PPP4R3B: variants seen among roughly 807,000 people sequenced by gnomAD.
The protein encoded by PPP4R3B is protein phosphatase 4 regulatory subunit 3B.
In PPP4R3B, 52 loss-of-function variants were observed where a neutral mutation model predicts 95.4. The observed-to-expected ratio is 0.54, with a 90% confidence interval of 0.44 to 0.69. The LOEUF (loss-of-function observed/expected upper bound fraction) is 0.69. Ranked by LOEUF, PPP4R3B falls within the 30% of genes least tolerant of loss-of-function variation. The probability of loss-of-function intolerance (pLI) is 0.00; values close to 1 mark genes in which losing one functional copy is unlikely to be tolerated. For synonymous variants in PPP4R3B, 407 were observed against 343.9 expected, an observed-to-expected ratio of 1.18 and a Z score of -2.03; for missense variants, 1,003 against 1,005.9, an observed-to-expected ratio of 1.00 and a Z score of 0.04.
At chr2:55,560,378 G>C (rs541041648) in intron 15 of PPP4R3B, among the ~76,000 whole-genome samples, 3 of 152,360 alleles carry the variant, frequency 2.0e-5, no homozygotes, top group Non-Finnish European at 2.9e-5. Context: ...CTTTAGCAAA[G>C]AGACTGGCGG....
At chr2:55,594,399 G>A (rs1052066447) in intron 4 of PPP4R3B, among the ~76,000 whole-genome samples, 1 of 151,868 alleles carries the variant, frequency 6.6e-6, no homozygotes, top group Non-Finnish European at 1.5e-5. Flanking sequence ...ACAGAATCTG[G>A]CTATTTCATG....
chr2:55,594,283 G>A (rs1691456242), intron 4 of PPP4R3B, among the ~76,000 whole-genome samples: 1 of 139,208 alleles, frequency 7.2e-6, no homozygotes, highest in Non-Finnish European at 1.5e-5. Context: ...ATAAGCCTAT[G>A]TGCCCTCTGA....
chr2:55,609,066 A>G (rs1026559937), intron 2 of PPP4R3B, among the ~76,000 whole-genome samples: 11 of 152,214 alleles, frequency 7.2e-5, no homozygotes, highest in Non-Finnish European at 1.5e-4. Flanking sequence ...ATGAATGAAT[A>G]TATGTGGTCA....
Position 55,564,459 on chromosome 2 carries a change from T to A in PPP4R3B, c.2114A>T (p.Asp705Val). 1.2e-6 allele frequency: 2 copies of A among 1,612,762 alleles called. No individual in the cohort carries two copies. Among genetic ancestry groups the A allele is most frequent in the Non-Finnish European group, 1.7e-6 (2 of 1,179,586 alleles). Residue 705 changes from aspartate to valine, a missense_variant, in exon 15 of 17, where the codon GAT (aspartate) becomes GTT (valine). This residue lies in a region of PPP4R3B where 229 missense variants were observed against 194.7 expected (regional missense o/e 1.18). Transcript: ENST00000616407. ...TTCATCCTCTTCCAAGGCTTTTGCA[T>A]CTCTGCGAAATCTGTTACTACGCAA... is the stretch of plus-strand genomic sequence containing the variant. ...SILRSNRFRR[D>V]AKALEEDEEM...
At chr2:55,604,730 A>T (rs1011235977) in intron 2 of PPP4R3B, among the ~76,000 whole-genome samples, 3 of 152,086 alleles carry the variant, frequency 2.0e-5, no homozygotes, top group Admixed American at 6.6e-5. Flanking sequence ...GGTTAGTTAC[A>T]TTTTTAGGAA....
Position 55,564,299 on chromosome 2 carries a change from C to G in PPP4R3B, c.2260+14G>C, listed in dbSNP as rs746394398. On this transcript the variant is annotated intron_variant, in intron 15 of 16. Coordinates refer to ENST00000616407, the MANE Select transcript of PPP4R3B (RefSeq NM_001122964.3). ...TAAGAGGGTACACTGTGCAAAAATT[C>G]CGAATTTTAATACCTTTTTTAGTCT... 6.2e-7 allele frequency: 1 copy of G among 1,604,906 alleles called. No homozygotes were observed. Among genetic ancestry groups the G allele is most frequent in the Non-Finnish European group, 8.5e-7 (1 of 1,176,410 alleles).
intron 2 of PPP4R3B, among the ~76,000 whole-genome samples, chr2:55,609,401 G>A (rs940379849): frequency 1.3e-5 from 2 of 151,986 alleles, no homozygotes; most frequent in Admixed American, 1.3e-4. Flanking sequence ...CTTTTCATGG[G>A]CTGGGTGTGA....
chr2:55,608,605 C>T (rs963540051), intron 2 of PPP4R3B, among the ~76,000 whole-genome samples: 1 of 152,184 alleles, frequency 6.6e-6, no homozygotes, highest in East Asian at 1.9e-4. Flanking sequence ...CCACTTATTG[C>T]TTCTCTTCAA....
chr2:55,612,506 G>C (rs1572750392), intron 2 of PPP4R3B, among the ~76,000 whole-genome samples: 1 of 151,912 alleles, frequency 6.6e-6, no homozygotes, highest in Non-Finnish European at 1.5e-5. Flanking sequence ...ATCACTTGAG[G>C]CCAGGAATTC....
chr2:55,565,102 T>G (rs1191665363), intron 13 of PPP4R3B, 61 bp from the exon 14 acceptor site: 2 of 1,358,794 alleles, frequency 1.5e-6, no homozygotes, highest in African/African-American at 3.0e-5. Context: ...AGAAAAACTT[T>G]AAAATTTTGT....
intron 12 of PPP4R3B, among the ~76,000 whole-genome samples, chr2:55,571,563 G>A (rs1169800377): frequency 6.6e-6 from 1 of 152,138 alleles, no homozygotes; most frequent in Non-Finnish European, 1.5e-5. Flanking sequence ...GGTCTCAGTA[G>A]GTATTAAACC....
At chr2:55,604,941 G>T (rs1286448550) in intron 2 of PPP4R3B, among the ~76,000 whole-genome samples, 1 of 151,990 alleles carries the variant, frequency 6.6e-6, no homozygotes, top group Non-Finnish European at 1.5e-5. Flanking sequence ...CTAGGCCCCA[G>T]CAATCCTCCC....
chr2:55,587,461 G>A (rs2104323728), intron 5 of PPP4R3B, among the ~76,000 whole-genome samples: 1 of 152,348 alleles, frequency 6.6e-6, no homozygotes, highest in Middle Eastern at 3.4e-3. Flanking sequence ...GCACACGCCT[G>A]TAATCACAGC....
intron 2 of PPP4R3B, among the ~76,000 whole-genome samples, chr2:55,611,523 A>C (rs1025815254): frequency 2.0e-5 from 3 of 152,224 alleles, no homozygotes; most frequent in African/African-American, 7.2e-5. Flanking sequence ...ATGCACAGTA[A>C]GGAAGAAAGT....
chr2:55,558,205 G>T (rs377339128), intron 16 of PPP4R3B, among the ~76,000 whole-genome samples: 1 of 152,136 alleles, frequency 6.6e-6, no homozygotes, highest in Non-Finnish European at 1.5e-5. Flanking sequence ...GTGTGAAGAC[G>T]TTCTACTACT....
chr2:55,555,641 G>T (rs557028242), intron 16 of PPP4R3B, among the ~76,000 whole-genome samples: 4 of 152,106 alleles, frequency 2.6e-5, no homozygotes, highest in Non-Finnish European at 4.4e-5. Context: ...AAATACACAC[G>T]TATATGAAAT....
In PPP4R3B at chr2:55,599,005, T is replaced by C; in HGVS notation, c.332A>G (p.Gln111Arg). ...TTCTTCAGATTCATCAATGAGGTCC[T>C]GTGTGACTTCCACTGATGGGTCTTT... Reference protein sequence around the residue: ...QGKDPSVEVTQDLIDESEEER... With the variant: ...QGKDPSVEVTRDLIDESEEER... Residue 111 changes from glutamine to arginine, a missense_variant, in exon 4 of 17, where the codon CAG becomes CGG. Around this residue, in one of 3 missense-constraint regions of PPP4R3B, gnomAD observed 695 missense variants for 686.2 expected, o/e 1.01. Transcript: ENST00000616407. 6.2e-7 allele frequency: 1 copy of C among 1,613,778 alleles called. No individual in the cohort carries two copies.
chr2:55,581,866 ATAC>A (rs1324320421), intron 7 of PPP4R3B, among the ~76,000 whole-genome samples, 168 bp from the exon 8 acceptor site: 1 of 152,100 alleles, frequency 6.6e-6, no homozygotes, highest in African/African-American at 2.4e-5. Flanking sequence ...GTTCTATAAA[ATAC>A]TACACACTAG....
At position 55,598,732 on chromosome 2, in the gene PPP4R3B, A is replaced by G. The variant is rs1379907515; in HGVS notation, c.605T>C (p.Leu202Ser). 1.9e-6 allele frequency: 3 copies of G among 1,614,216 alleles called. No homozygotes were observed. Among genetic ancestry groups the G allele is most frequent in the Non-Finnish European group, 1.7e-6 (2 of 1,180,024 alleles). Residue 202 changes from leucine to serine, a missense_variant, in exon 4 of 17, where the codon TTA becomes TCA. This residue lies in a region of PPP4R3B where 695 missense variants were observed against 686.2 expected (regional missense o/e 1.01). Transcript: ENST00000616407. Reference protein sequence around the residue: ...HHLYEIIRGILFLNKATLFEV... With the variant: ...HHLYEIIRGISFLNKATLFEV... ...AAAAAGAGTTGCCTTATTTAGGAAT[A>G]AGATTCCTCTAATAATTTCATACAA...
Sources: gnomAD v4.1 joint callset for allele counts (sites outside exome capture counted in the v4.1 genomes callset) on GRCh38, gnomAD v4.1.1 for gene constraint, gnomAD v4.1.1 regional missense constraint, MANE v1.5 for transcripts, NCBI Gene and HGNC (gene_info 2026-07-23, HGNC 2026-07-21) for gene names.